Variants in FOXN3 observed in about 807,000 individuals in gnomAD.
The protein encoded by FOXN3 is forkhead box protein N3.
In FOXN3, 7 loss-of-function variants were observed where a neutral mutation model predicts 38.4. The observed-to-expected ratio is 0.18, with a 90% CI of 0.10 to 0.34. The LOEUF is 0.34. Among genes scored for constraint, FOXN3 ranks in the 10% least tolerant of loss-of-function variants. FOXN3 has a pLI of 1.00. For missense variants in FOXN3, 456 were observed against 613.4 expected, an observed-to-expected ratio of 0.74 and a Z score of 2.71; for synonymous variants, 230 against 242.2, an observed-to-expected ratio of 0.95 and a Z score of 0.47.
chr14:89,559,605 G>A (rs1166774287), intron 1 of FOXN3, among the ~76,000 whole-genome samples: 1 of 152,162 alleles, frequency 6.6e-6, no homozygotes, highest in Non-Finnish European at 1.5e-5. Flanking sequence ...GAATCCAGGA[G>A]GCGGAGGTTG....
intron 4 of FOXN3, among the ~76,000 whole-genome samples, chr14:89,262,576 C>A (rs1010402324): frequency 1.3e-5 from 2 of 152,068 alleles, no homozygotes; most frequent in African/African-American, 4.8e-5. Flanking sequence ...GGTAACTAAC[C>A]TTAACTAAAA....
chr14:89,570,003 GT>G (rs398057363), intron 1 of FOXN3, among the ~76,000 whole-genome samples: 1,934 of 142,802 alleles, frequency 0.014, 32 homozygotes, highest in African/African-American at 0.043. Flanking sequence ...CACTTGGTAT[GT>G]TTTTTTTTTT....
intron 4 of FOXN3, among the ~76,000 whole-genome samples, chr14:89,199,892 A>G (rs1418624859): frequency 6.6e-6 from 1 of 152,122 alleles, no homozygotes; most frequent in Non-Finnish European, 1.5e-5. Context: ...CGACACAGCG[A>G]GACTCCATCT....
chr14:89,607,258 T>G (rs1317746812), intron 1 of FOXN3, among the ~76,000 whole-genome samples: 1 of 152,096 alleles, frequency 6.6e-6, no homozygotes, highest in African/African-American at 2.4e-5. Context: ...GACCACCAAG[T>G]GGCTAAGACT....
intron 3 of FOXN3, among the ~76,000 whole-genome samples, chr14:89,317,477 T>A (rs1048174839): frequency 6.6e-5 from 10 of 152,154 alleles, no homozygotes; most frequent in Non-Finnish European, 1.5e-4. Context: ...TAGACAGTCA[T>A]TGTACTTCTG....
At position 89,371,750 on chromosome 14, in the gene FOXN3, A is replaced by G. The variant is rs375827236; in HGVS notation, c.544-20942T>C. ...GAGCAAGCAGAGAGGGGAGGAGGAG[A>G]GTGAGGATAAGAAAGTTAACCCCCT... On this transcript the variant is annotated intron_variant, in intron 2 of 5. Coordinates refer to ENST00000557258, the MANE Select transcript of FOXN3 (RefSeq NM_005197.4). Among the ~76,000 whole-genome samples, 26 of 152,084 alleles carry G rather than the reference A, an allele frequency of 1.7e-4. No homozygotes were observed. The South Asian group carries it at 5.0e-3, about 29-fold the overall frequency.
intron 1 of FOXN3, among the ~76,000 whole-genome samples, chr14:89,502,220 A>T (rs1032670957): frequency 2.0e-5 from 3 of 152,244 alleles, no homozygotes; most frequent in Non-Finnish European, 2.9e-5. Context: ...ATATAAAGAC[A>T]TACAGTCAAA....
At chr14:89,515,447 C>T (rs1287996565) in intron 1 of FOXN3, among the ~76,000 whole-genome samples, 4 of 152,164 alleles carry the variant, frequency 2.6e-5, no homozygotes, top group African/African-American at 4.8e-5. Flanking sequence ...CAAATGTGGC[C>T]GGGCACAGTG....
chr14:89,294,886 T>TTA (rs1392411947), intron 3 of FOXN3, among the ~76,000 whole-genome samples: 25 of 152,342 alleles, frequency 1.6e-4, no homozygotes, highest in Admixed American at 1.5e-3. Flanking sequence ...CTTTACTTTA[T>TTA]TAATCAAGTT....
chr14:89,617,584 G>A (rs1360752768), intron 1 of FOXN3, among the ~76,000 whole-genome samples: 2 of 152,148 alleles, frequency 1.3e-5, no homozygotes, highest in African/African-American at 4.8e-5. Flanking sequence ...AACCCGGTTA[G>A]GAATCATTAT....
At chr14:89,436,503 A>G (rs1403545156) in intron 1 of FOXN3, among the ~76,000 whole-genome samples, 2 of 152,062 alleles carry the variant, frequency 1.3e-5, no homozygotes, top group South Asian at 2.1e-4. Context: ...GAGTCCCCCA[A>G]GTTTCCACCC....
chr14:89,540,071 A>G (rs1231830511), intron 1 of FOXN3, among the ~76,000 whole-genome samples: 1 of 152,240 alleles, frequency 6.6e-6, no homozygotes, highest in East Asian at 1.9e-4. Flanking sequence ...AGAAAATGCA[A>G]AGAACAGCAG....
intron 4 of FOXN3, among the ~76,000 whole-genome samples, chr14:89,249,460 AACGCAGAC>A (rs1349666872): frequency 1.3e-5 from 2 of 152,236 alleles, no homozygotes; most frequent in South Asian, 4.1e-4. Flanking sequence ...GCAAGTCAGC[AACGCAGAC>A]ACCGTGATAC....
At chr14:89,535,731 A>T (rs1284894392) in intron 1 of FOXN3, among the ~76,000 whole-genome samples, 1 of 152,160 alleles carries the variant, frequency 6.6e-6, no homozygotes, top group African/African-American at 2.4e-5. Flanking sequence ...TAACAAGCCT[A>T]CCCCATTCAA....
rs546572097 is a variant in FOXN3, at chr14:89,473,314, G to A, written c.-14-60824C>T. Among the ~76,000 whole-genome samples the A allele has an allele frequency of 5.3e-5, 8 of 151,350 alleles. No individual in the cohort carries two copies. The East Asian group carries it at 9.8e-4, about 18-fold the overall frequency. ...GCTGGAATTACAGGCGTGAGCCACC[G>A]TGCCCGGCCAGAAGGTGATCATTTT... On this transcript the variant is annotated intron_variant, in intron 1 of 6. Coordinates refer to the FOXN3 transcript ENST00000345097.
At chr14:89,414,060 A>G (rs1329432903) in intron 1 of FOXN3, among the ~76,000 whole-genome samples, 1 of 151,970 alleles carries the variant, frequency 6.6e-6, no homozygotes, top group East Asian at 1.9e-4. Flanking sequence ...CATGCTTATA[A>G]TCCCATCACT....
At chr14:89,399,335 G>A (rs1596252378) in intron 2 of FOXN3, among the ~76,000 whole-genome samples, 1 of 152,286 alleles carries the variant, frequency 6.6e-6, no homozygotes, top group Non-Finnish European at 1.5e-5. Flanking sequence ...AGCACACAGA[G>A]GGAGCTGGGC....
intron 2 of FOXN3, among the ~76,000 whole-genome samples, chr14:89,399,501 T>C (rs191976892): frequency 6.6e-6 from 1 of 152,346 alleles, no homozygotes; most frequent in Non-Finnish European, 1.5e-5. Flanking sequence ...CTGGCTGTTA[T>C]GTTTTTGGGA....
intron 1 of FOXN3, among the ~76,000 whole-genome samples, chr14:89,425,038 T>C (rs1413781731): frequency 1.3e-5 from 2 of 148,568 alleles, no homozygotes; most frequent in East Asian, 4.0e-4. Flanking sequence ...CTTTTTTTTG[T>C]TGTGTTTTGT....
Sources: allele counts gnomAD v4.1 joint callset (sites outside exome capture counted in the v4.1 genomes callset), GRCh38; gene constraint gnomAD v4.1.1; transcripts MANE v1.5; gene names NCBI Gene and HGNC (gene_info 2026-07-23, HGNC 2026-07-21).